The following TRPM7 variants were observed in gnomAD, a reference collection of about 807,000 sequenced individuals.
The protein encoded by TRPM7 is transient receptor potential cation channel subfamily M member 7.
TRPM7 carries 134 observed loss-of-function variants against 229.7 expected under a neutral mutation model. The observed-to-expected ratio is 0.58, with a 90% CI of 0.51 to 0.67. The LOEUF is 0.67. Among genes scored for constraint, TRPM7 ranks in the 30% least tolerant of loss-of-function variants. The pLI, the probability that TRPM7 is intolerant of heterozygous loss-of-function variation, is 0.00. For synonymous variants in TRPM7, 699 were observed against 715.2 expected, an observed-to-expected ratio of 0.98 and a Z score of 0.36; for missense variants, 1,901 against 2,210.0, an observed-to-expected ratio of 0.86 and a Z score of 2.80.
intron 5 of TRPM7, among the ~76,000 whole-genome samples, chr15:50,641,773 G>C (rs1010535528): frequency 6.6e-6 from 1 of 152,148 alleles, no homozygotes; most frequent in African/African-American, 2.4e-5. Context: ...GCCTAGGCGG[G>C]CGGATCACCT....
chr15:50,670,072 G>A (rs187107388), intron 1 of TRPM7, among the ~76,000 whole-genome samples: 1 of 152,182 alleles, frequency 6.6e-6, no homozygotes, highest in East Asian at 1.9e-4. Context: ...GTTATGGATG[G>A]CCCTCAGCAA....
At chr15:50,603,148 C>G (rs1471943669) in intron 21 of TRPM7, among the ~76,000 whole-genome samples, 1 of 151,908 alleles carries the variant, frequency 6.6e-6, no homozygotes, top group Non-Finnish European at 1.5e-5. Context: ...CAGTTATTCT[C>G]AATTAAGGGG....
At chr15:50,685,550 T>G (rs2062338141) in intron 1 of TRPM7, among the ~76,000 whole-genome samples, 1 of 152,248 alleles carries the variant, frequency 6.6e-6, no homozygotes, top group Non-Finnish European at 1.5e-5. Flanking sequence ...AGTAAAACTC[T>G]TATTTTAGTT....
At chr15:50,639,670 G>T in intron 5 of TRPM7, 122 bp from the exon 6 acceptor site, 1 of 777,780 alleles carries the variant, frequency 1.3e-6, no homozygotes, top group Non-Finnish European at 1.9e-6. Flanking sequence ...GGACTCAAGC[G>T]ATCCTCCCTT....
intron 1 of TRPM7, among the ~76,000 whole-genome samples, chr15:50,669,644 GA>G (rs1344733924): frequency 6.6e-6 from 1 of 152,120 alleles, no homozygotes. Context: ...ACTGGAGTGA[GA>G]AAAAATTGTG....
intron 1 of TRPM7, among the ~76,000 whole-genome samples, chr15:50,675,687 T>A (rs779262021): frequency 6.6e-6 from 1 of 152,260 alleles, no homozygotes; most frequent in Non-Finnish European, 1.5e-5. Context: ...TTATACACTT[T>A]GCTTTTTAAT....
rs907214514 is a variant in TRPM7, at chr15:50,560,048, T to A, written c.*1630A>T. The A allele has an allele frequency of 1.3e-4, 19 of 149,968 alleles. No individual in the cohort carries two copies. The highest frequency in any genetic ancestry group is 2.8e-4 in the Non-Finnish European group (19 of 67,628). The allele number at this position is 149,968 out of a possible 1,614,324, so 9.3% of individuals were successfully genotyped here. On this transcript the variant is annotated 3_prime_UTR_variant, in exon 39 of 39. Transcript: ENST00000646667. ...AAAAAAAAAAAAGTATAGCTACTAT[T>A]ATAATCCTGTGAAAATAATCAATAT...
chr15:50,588,116 T>C (rs879082109), intron 27 of TRPM7: 1 of 544,360 alleles, frequency 1.8e-6, no homozygotes, highest in Admixed American at 6.4e-5. Context: ...CCTACACCTA[T>C]TTCCTCCATC....
chr15:50,584,634 A>T lies in TRPM7; in HGVS notation c.4487-1475T>A, dbSNP rs978213024. ...GATTTCTGTTTTTTTTTTTTTTTTT[A>T]AATTTTGGAATATTTGCATTATACT... On this transcript the variant is annotated intron_variant, in intron 28 of 38. Transcript: ENST00000646667. 1.4e-3 allele frequency among the ~76,000 whole-genome samples: 166 copies of T among 122,030 alleles called. 1 individual carries two copies. The highest frequency in any genetic ancestry group is 6.9e-3 in the East Asian group (32 of 4,646). 80.1% of individuals were successfully genotyped at this position (122,030 alleles called of 152,430 possible).
chr15:50,648,627 T>C (rs1212664370), intron 4 of TRPM7, 60 bp downstream of exon 4: 26 of 1,459,184 alleles, frequency 1.8e-5, no homozygotes, highest in East Asian at 4.7e-5. Context: ...GCTACACAAA[T>C]TGTGATGTTT....
intron 38 of TRPM7, among the ~76,000 whole-genome samples, chr15:50,568,416 A>C (rs2053716460): frequency 6.6e-6 from 1 of 152,212 alleles, no homozygotes; most frequent in African/African-American, 2.4e-5. Context: ...AAAAGAGTTA[A>C]GTAAGGTTGC....
At chr15:50,603,479 C>A (rs980180408) in intron 21 of TRPM7, among the ~76,000 whole-genome samples, 4 of 151,518 alleles carry the variant, frequency 2.6e-5, no homozygotes, top group Non-Finnish European at 5.9e-5. Context: ...TGACAGGCCC[C>A]AGCGTGTGAT....
At chr15:50,658,146 A>G (rs906086340) in intron 2 of TRPM7, among the ~76,000 whole-genome samples, 2 of 151,920 alleles carry the variant, frequency 1.3e-5, no homozygotes, top group Non-Finnish European at 2.9e-5. Context: ...CTGGGACTAC[A>G]GGCTCCTGCC....
At chr15:50,575,404 C>G (rs2054083370) in intron 33 of TRPM7, among the ~76,000 whole-genome samples, 1 of 152,138 alleles carries the variant, frequency 6.6e-6, no homozygotes, top group Non-Finnish European at 1.5e-5. Flanking sequence ...CTACACACTT[C>G]TGAATTAAAC....
At chr15:50,623,491 C>CT (rs1433184980) in intron 12 of TRPM7, among the ~76,000 whole-genome samples, 2 of 140,172 alleles carry the variant, frequency 1.4e-5, no homozygotes, top group African/African-American at 5.5e-5. Flanking sequence ...TGCCCCGCCC[C>CT]CTCCCCGCCC....
chr15:50,592,417 T>C lies in TRPM7; in HGVS notation c.3818A>G (p.His1273Arg). 2 of 1,614,206 alleles carry C rather than the reference T, an allele frequency of 1.2e-6. No homozygotes were observed. Among genetic ancestry groups the C allele is most frequent in the Non-Finnish European group, 1.7e-6 (2 of 1,180,038 alleles). Residue 1273 changes from histidine (H) to arginine (R), a missense_variant, in exon 26 of 39, where the codon CAC becomes CGC. Around this residue, in one of 8 missense-constraint regions of TRPM7, gnomAD observed 533 missense variants for 497.1 expected, o/e 1.07. Coordinates refer to ENST00000646667, the MANE Select transcript of TRPM7 (RefSeq NM_017672.6). ...EITRELSISK[H>R]LAQNLIDDGP... The stretch of plus-strand genomic sequence containing the variant: ...ATCATCAATAAGGTTTTGAGCCAAG[T>C]GTTTGGAAATGCTCAGTTCTCGTGT...
chr15:50,658,473 G>C (rs927396445), intron 2 of TRPM7, among the ~76,000 whole-genome samples: 3 of 151,910 alleles, frequency 2.0e-5, no homozygotes, highest in Non-Finnish European at 4.4e-5. Flanking sequence ...GGGAGGCTGA[G>C]GTGGGAGGAT....
Position 50,631,343 on chromosome 15 carries a change from T to TATACACACATACACAC in TRPM7, c.1204+58_1204+73dup, listed in dbSNP as rs1218989532. On this transcript the variant is annotated intron_variant, in intron 10 of 38. Coordinates refer to ENST00000646667, the MANE Select transcript of TRPM7 (RefSeq NM_017672.6). ...GTTTTATATTTTATATACATACACATATACACACATACACACACATATACA... is the reference window on the plus strand; with the variant it reads ...GTTTTATATTTTATATACATACACATATACACACATACACACATACACACATACACACACATATACA... The TATACACACATACACAC allele has an allele frequency of 1.4e-5, 11 of 789,500 alleles. No individual in the cohort carries two copies. The Admixed American group carries it at 2.5e-4, about 18-fold the overall frequency. 48.9% of individuals were successfully genotyped at this position (789,500 alleles called of 1,614,324 possible). A position where few individuals can be genotyped will look rare whatever the true frequency, so the allele number is the denominator to read the frequency against.
intron 21 of TRPM7, among the ~76,000 whole-genome samples, chr15:50,603,787 A>C (rs754395703): frequency 3.5e-4 from 53 of 152,230 alleles, no homozygotes; most frequent in Non-Finnish European, 6.2e-4. Flanking sequence ...CTCTAAGAAT[A>C]GCTTTTTATA....
Sources: allele counts gnomAD v4.1 joint callset (sites outside exome capture counted in the v4.1 genomes callset), GRCh38; gene constraint gnomAD v4.1.1; regional missense constraint gnomAD v4.1.1; transcripts MANE v1.5; gene names NCBI Gene and HGNC (gene_info 2026-07-23, HGNC 2026-07-21).